Variants in ABCC1 observed in about 807,000 individuals in gnomAD.
The protein encoded by ABCC1 is multidrug resistance-associated protein 1.
ABCC1 carries 83 observed loss-of-function variants against 172.9 expected under a neutral mutation model. The observed-to-expected ratio is 0.48, with a 90% CI of 0.40 to 0.58. The LOEUF is 0.58. ABCC1 is among the 20% of genes least tolerant of loss of function. ABCC1 has a pLI of 0.00. For missense variants in ABCC1, 1,817 were observed against 2,002.7 expected, an observed-to-expected ratio of 0.91 and a Z score of 1.77; for synonymous variants, 937 against 825.2, an observed-to-expected ratio of 1.14 and a Z score of -2.32.
rs71388789 is a variant in ABCC1 at position 16,010,037 on chromosome 16, C to CTTT, written c.351+157_351+159dup. ...AGCTGGGATATAAATTAAATGTAGC[C>CTTT]TTTTTTTTTTTTTTTTTTTTTTTAA... On this transcript the variant is annotated intron_variant, in intron 3 of 30. Coordinates refer to ENST00000399410, the MANE Select transcript of ABCC1 (RefSeq NM_004996.4). 418 of 107,678 alleles carry CTTT rather than the reference C, an allele frequency of 3.9e-3. 4 individuals are homozygous for CTTT. The highest frequency in any genetic ancestry group is 0.015 in the Middle Eastern group (4 of 270). 6.7% of individuals were successfully genotyped at this position (107,678 alleles called of 1,614,324 possible).
Position 16,077,559 on chromosome 16 carries a change from C to T in ABCC1, c.1988+1158C>T, listed in dbSNP as rs145803504. ...TCACGTGGACAGTGGCAGGTACTGTCTCACGTGGACAGTGGCAGGTATTGT... is the reference window on the plus strand; with the variant it reads ...TCACGTGGACAGTGGCAGGTACTGTTTCACGTGGACAGTGGCAGGTATTGT... On this transcript the variant is annotated intron_variant, in intron 15 of 30. Transcript: ENST00000399410. 2.6e-3 allele frequency among the ~76,000 whole-genome samples: 380 copies of T among 148,980 alleles called. 4 individuals are homozygous for T. Among genetic ancestry groups the T allele is most frequent in the South Asian group, 0.016 (77 of 4,798 alleles).
intron 1 of ABCC1, among the ~76,000 whole-genome samples, chr16:15,971,568 C>T (rs934588277): frequency 6.6e-6 from 1 of 152,164 alleles, no homozygotes; most frequent in Non-Finnish European, 1.5e-5. Flanking sequence ...GGAGATGCCA[C>T]ATTAACTGCT....
chr16:16,128,183 GTT>G (rs59040014), intron 26 of ABCC1, among the ~76,000 whole-genome samples: 1 of 150,420 alleles, frequency 6.6e-6, no homozygotes, highest in East Asian at 2.0e-4. Flanking sequence ...ATTGAATTCA[GTT>G]TTTTTTTTGT....
intron 10 of ABCC1, among the ~76,000 whole-genome samples, chr16:16,051,742 C>T (rs982816730): frequency 4.6e-5 from 7 of 152,082 alleles, no homozygotes; most frequent in African/African-American, 1.4e-4. Context: ...AGAGGGAAAG[C>T]GGTGTTCAGC....
In ABCC1 at chr16:16,045,852, G is replaced by T. The variant is rs8187852; in HGVS notation, c.1057G>T (p.Val353Leu). ...CCTTTGCAGGTTGCTCATCAAGTTCGTGAATGACACGAAGGCCCCAGACTG... is the reference window on the plus strand; with the variant it reads ...CCTTTGCAGGTTGCTCATCAAGTTCTTGAATGACACGAAGGCCCCAGACTG... ...PQILKLLIKF[V>L]NDTKAPDWQG... The change falls in exon 9 of 31, where the codon GTG (valine) becomes TTG (leucine). Residue 353 changes from valine (V) to leucine (L), a missense_variant. Coordinates refer to ENST00000399410, the MANE Select transcript of ABCC1 (RefSeq NM_004996.4). 1.2e-6 allele frequency: 2 copies of T among 1,613,976 alleles called. No homozygotes were observed. The highest frequency in any genetic ancestry group is 2.7e-5 in the African/African-American group (2 of 74,912).
intron 20 of ABCC1, 143 bp from the exon 21 acceptor site, chr16:16,106,595 T>TATATATGA: frequency 2.3e-6 from 2 of 872,004 alleles, no homozygotes; most frequent in Non-Finnish European, 3.5e-6. Context: ...CATATATTCA[T>TATATATGA]ATATATGTTT....
rs778710436 is a variant in ABCC1 at position 16,141,330 on chromosome 16, C to T, written c.*49C>T. On this transcript the variant is annotated 3_prime_UTR_variant, in exon 31 of 31. Coordinates refer to ENST00000399410, the MANE Select transcript of ABCC1 (RefSeq NM_004996.4). Reference sequence around the variant, plus strand: ...CAGAACTGCAGGGCCTATATGCCAGCGCCCAGGGAGGAGTCAGTACCCCTG... The same window carrying T: ...CAGAACTGCAGGGCCTATATGCCAGTGCCCAGGGAGGAGTCAGTACCCCTG... The T allele has an allele frequency of 4.5e-6, 7 of 1,564,398 alleles. No individual in the cohort carries two copies. Among genetic ancestry groups the T allele is most frequent in the East Asian group, 2.2e-5 (1 of 44,528 alleles).
chr16:16,128,306 G>A (rs1435433168), intron 26 of ABCC1, among the ~76,000 whole-genome samples: 1 of 151,984 alleles, frequency 6.6e-6, no homozygotes, highest in Non-Finnish European at 1.5e-5. Context: ...GAGTAGCTGG[G>A]ATTACAGGCG....
chr16:16,048,394 C>A lies in ABCC1; in HGVS notation c.1380+91C>A, dbSNP rs562978945. ...AGGGAGTGGGTGTTGATGGTAATGG[C>A]ATGTAGAGCTCCCTGGCAGTTCCGG... On this transcript the variant is annotated intron_variant, in intron 10 of 30. Coordinates refer to ENST00000399410, the MANE Select transcript of ABCC1 (RefSeq NM_004996.4). 7.0e-4 allele frequency: 1,011 copies of A among 1,434,738 alleles called. 8 individuals carry two copies. Among genetic ancestry groups the A allele is most frequent in the South Asian group, 7.0e-3 (558 of 80,046 alleles). The allele number at this position is 1,434,738 out of a possible 1,614,324, so 88.9% of individuals were successfully genotyped here. A position where few individuals can be genotyped will look rare whatever the true frequency, so the allele number is the denominator to read the frequency against.
rs755941228 is a variant in ABCC1 at position 16,132,506 on chromosome 16, GGTTGTTTTTTTTTTT to G, written c.3966+572_3966+586del. On this transcript the variant is annotated intron_variant, in intron 27 of 30. Coordinates refer to ENST00000399410, the MANE Select transcript of ABCC1 (RefSeq NM_004996.4). ...GAAGTTCTTTTTTTGTTTTTTGGTT[GGTTGTTTTTTTTTTT>G]TTTTTTTTTTTTTTTTTTGAGATGG... Among the ~76,000 whole-genome samples, 52 of 100,974 alleles carry G rather than the reference GGTTGTTTTTTTTTTT, an allele frequency of 5.1e-4. 1 individual carries two copies. Among genetic ancestry groups the G allele is most frequent in the East Asian group, 8.7e-4 (3 of 3,462 alleles). 66.2% of individuals were successfully genotyped at this position (100,974 alleles called of 152,430 possible). A position where few individuals can be genotyped will look rare whatever the true frequency, so the allele number is the denominator to read the frequency against.
intron 5 of ABCC1, among the ~76,000 whole-genome samples, chr16:16,019,259 A>G (rs2048113869): frequency 6.6e-6 from 1 of 151,928 alleles, no homozygotes; most frequent in Non-Finnish European, 1.5e-5. Context: ...GCCCATCACC[A>G]TGCTCGACTA....
intron 5 of ABCC1, among the ~76,000 whole-genome samples, chr16:16,028,925 C>T (rs1482788964): frequency 1.3e-5 from 2 of 152,052 alleles, no homozygotes; most frequent in African/African-American, 2.4e-5. Flanking sequence ...TGGAATGCAC[C>T]GGCTGCATCT....
At chr16:16,106,626 A>G (rs2052124320) in intron 20 of ABCC1, 112 bp from the exon 21 acceptor site, 2 of 1,330,964 alleles carry the variant, frequency 1.5e-6, no homozygotes, top group South Asian at 2.6e-5. Context: ...ATGTGGAAAC[A>G]CTCCGTCTCT....
intron 19 of ABCC1, among the ~76,000 whole-genome samples, chr16:16,099,512 G>A (rs979928763): frequency 3.3e-5 from 5 of 152,210 alleles, no homozygotes; most frequent in Non-Finnish European, 7.3e-5. Flanking sequence ...CAAACAGAGG[G>A]TGTTTCCTGG....
chr16:16,100,482 CAT>C (rs4148364), intron 19 of ABCC1, among the ~76,000 whole-genome samples: 17,785 of 152,178 alleles, frequency 0.12, 1,098 homozygotes, highest in East Asian at 0.22. Flanking sequence ...CAGTGTCACA[CAT>C]GTGTGTGAGG....
intron 1 of ABCC1, among the ~76,000 whole-genome samples, chr16:15,953,337 A>G (rs1357417689): frequency 1.3e-5 from 2 of 152,190 alleles, no homozygotes. Flanking sequence ...TCAAAAGAAA[A>G]AAAAAATTGT....
chr16:15,971,818 C>G (rs145399508), intron 1 of ABCC1, among the ~76,000 whole-genome samples: 1 of 152,190 alleles, frequency 6.6e-6, no homozygotes, highest in East Asian at 1.9e-4. Context: ...TGGGGGAACA[C>G]CAGGGTTCTT....
At chr16:15,958,393 A>G (rs543081242) in intron 1 of ABCC1, among the ~76,000 whole-genome samples, 1 of 152,268 alleles carries the variant, frequency 6.6e-6, no homozygotes, top group East Asian at 1.9e-4. Flanking sequence ...TACAGGCATG[A>G]GCCACCGTGC....
At chr16:15,989,068 CAAAAAA>C (rs35441399) in intron 1 of ABCC1, among the ~76,000 whole-genome samples, 19 of 76,682 alleles carry the variant, frequency 2.5e-4, no homozygotes, top group African/African-American at 7.7e-4. Flanking sequence ...GACTCTGTCT[CAAAAAA>C]AAAAAAAAAA....
Sources: gnomAD v4.1 joint callset for allele counts (sites outside exome capture counted in the v4.1 genomes callset) on GRCh38, gnomAD v4.1.1 for gene constraint, MANE v1.5 for transcripts, NCBI Gene and HGNC (gene_info 2026-07-23, HGNC 2026-07-21) for gene names.